The following RYR3 variants were observed in gnomAD, a reference collection of about 807,000 sequenced individuals.
RYR3 encodes brain ryanodine receptor-calcium release channel.
In RYR3, 207 loss-of-function variants were observed where a neutral mutation model predicts 584.3. That is an observed-to-expected ratio of 0.35 (90% CI 0.32 to 0.40). The LOEUF is 0.40. Among genes scored for constraint, RYR3 ranks in the 10% least tolerant of loss-of-function variants. The pLI is 1.00. For synonymous variants in RYR3, 2,416 were observed against 2,248.5 expected, an observed-to-expected ratio of 1.07 and a Z score of -2.11; for missense variants, 5,616 against 6,089.2, an observed-to-expected ratio of 0.92 and a Z score of 2.59.
chr15:33,611,057 A>G (rs993906631), intron 18 of RYR3, among the ~76,000 whole-genome samples: 1 of 152,196 alleles, frequency 6.6e-6, no homozygotes, highest in African/African-American at 2.4e-5. Context: ...GGGATTATAA[A>G]TATTCTATAG....
At chr15:33,676,182 G>T (rs766293386) in intron 38 of RYR3, among the ~76,000 whole-genome samples, 14 of 151,294 alleles carry the variant, frequency 9.3e-5, no homozygotes, top group Non-Finnish European at 1.6e-4. Flanking sequence ...AAAGGGTGTG[G>T]CTTAAATTTC....
chr15:33,460,356 G>C (rs1176550609), intron 1 of RYR3, among the ~76,000 whole-genome samples: 2 of 152,252 alleles, frequency 1.3e-5, no homozygotes, highest in Non-Finnish European at 2.9e-5. Flanking sequence ...GGAGTGGTGA[G>C]TGATGGACAT....
At chr15:33,561,726 A>G (rs1298953105) in intron 10 of RYR3, among the ~76,000 whole-genome samples, 1 of 151,834 alleles carries the variant, frequency 6.6e-6, no homozygotes, top group Non-Finnish European at 1.5e-5. Flanking sequence ...ACACAAAACA[A>G]CAACAACAAC....
At chr15:33,673,682 T>A (rs2063985191) in intron 38 of RYR3, among the ~76,000 whole-genome samples, 1 of 152,238 alleles carries the variant, frequency 6.6e-6, no homozygotes, top group African/African-American at 2.4e-5. Context: ...TGACCATCTA[T>A]TTCTCCTAAA....
intron 64 of RYR3, among the ~76,000 whole-genome samples, chr15:33,779,850 TAGAAAA>T (rs1460633690): frequency 7.3e-6 from 1 of 137,044 alleles, no homozygotes; most frequent in Non-Finnish European, 1.6e-5. Flanking sequence ...AAAAAAAAAA[TAGAAAA>T]AGAAATTAAC....
intron 69 of RYR3, among the ~76,000 whole-genome samples, chr15:33,804,468 C>A (rs1473124807): frequency 1.3e-5 from 2 of 152,222 alleles, no homozygotes; most frequent in Non-Finnish European, 2.9e-5. Context: ...CTTAACTCCT[C>A]TGGGTCCCAT....
chr15:33,826,371 G>A (rs2077380957), intron 83 of RYR3, 102 bp downstream of exon 83: 4 of 1,218,888 alleles, frequency 3.3e-6, no homozygotes, highest in Non-Finnish European at 4.9e-6. Flanking sequence ...GTAGTTGCAT[G>A]TTGAGTTGAA....
intron 70 of RYR3, 128 bp from the exon 71 acceptor site, chr15:33,810,351 C>G (rs927111854): frequency 9.9e-6 from 8 of 810,470 alleles, no homozygotes; most frequent in Admixed American, 8.0e-5. Context: ...TTTCACTGTC[C>G]TTTGAAGTGT....
At chr15:33,675,882 A>C (rs2064144598) in intron 38 of RYR3, among the ~76,000 whole-genome samples, 1 of 152,032 alleles carries the variant, frequency 6.6e-6, no homozygotes, top group African/African-American at 2.4e-5. Flanking sequence ...CAGCAGGGAG[A>C]CATTGGGAAC....
intron 27 of RYR3, among the ~76,000 whole-genome samples, chr15:33,640,612 T>G (rs1054734982): frequency 6.6e-6 from 1 of 152,160 alleles, no homozygotes. Context: ...CCTGGAATTA[T>G]AAGATTACCC....
Position 33,475,623 on chromosome 15 carries a change from G to A in RYR3, c.171+2085G>A, listed in dbSNP as rs144309433. ...CTGGGTCCATGGCCCCAGGGGTTGG[G>A]GACCCTGCTTTAGGGCACAGGCTGT... On this transcript the variant is annotated intron_variant, in intron 2 of 103. Transcript: ENST00000634891. 2.0e-3 allele frequency among the ~76,000 whole-genome samples: 310 copies of A among 152,324 alleles called. 1 individual carries two copies. The highest frequency in any genetic ancestry group is 7.4e-3 in the African/African-American group (306 of 41,578).
intron 16 of RYR3, among the ~76,000 whole-genome samples, chr15:33,599,115 G>C (rs1046656414): frequency 6.6e-6 from 1 of 152,114 alleles, no homozygotes; most frequent in African/African-American, 2.4e-5. Context: ...AGTTTTGGGA[G>C]ATTAGGGATT....
chr15:33,429,016 G>A (rs1307070348), intron 1 of RYR3, among the ~76,000 whole-genome samples: 2 of 152,158 alleles, frequency 1.3e-5, no homozygotes, highest in Non-Finnish European at 2.9e-5. Flanking sequence ...GTTGCCCAGT[G>A]GCTGAGGCAT....
At chr15:33,843,362 G>C in intron 91 of RYR3, 126 bp from the exon 92 acceptor site, 1 of 644,296 alleles carries the variant, frequency 1.6e-6, no homozygotes, top group Non-Finnish European at 2.8e-6. Flanking sequence ...CCCTAGAAGA[G>C]TGGTCATCAA....
rs73384642 is a variant in RYR3, at chr15:33,512,197, G to C, written c.279+8459G>C. On this transcript the variant is annotated intron_variant, in intron 3 of 103. Coordinates refer to ENST00000634891, the MANE Select transcript of RYR3 (RefSeq NM_001036.6). ...AGCTTTGCCTTCATCTCAGCTTCTC[G>C]ATGCTTCAGACCTCTTCCAGTGCTA... 7.4e-3 allele frequency among the ~76,000 whole-genome samples: 1,124 copies of C among 152,222 alleles called. 10 individuals are homozygous for C. The highest frequency in any genetic ancestry group is 0.025 in the African/African-American group (1,057 of 41,544).
At chr15:33,687,108 GA>G (rs2065065992) in intron 38 of RYR3, among the ~76,000 whole-genome samples, 1 of 152,180 alleles carries the variant, frequency 6.6e-6, no homozygotes, top group African/African-American at 2.4e-5. Context: ...ATTCAATTAG[GA>G]AAAGAGGAAG....
intron 18 of RYR3, among the ~76,000 whole-genome samples, chr15:33,608,831 C>G (rs1274462395): frequency 1.3e-5 from 2 of 152,202 alleles, no homozygotes; most frequent in Non-Finnish European, 2.9e-5. Flanking sequence ...GTGTCTTTCA[C>G]CACGAGGGCA....
chr15:33,697,133 C>A (rs1411433520), intron 39 of RYR3, among the ~76,000 whole-genome samples: 2 of 152,174 alleles, frequency 1.3e-5, no homozygotes, highest in East Asian at 3.9e-4. Flanking sequence ...CTACAGACAA[C>A]CTCCTACCTA....
intron 2 of RYR3, among the ~76,000 whole-genome samples, chr15:33,480,916 A>G (rs79969228): frequency 1.3e-4 from 20 of 152,318 alleles, no homozygotes; most frequent in East Asian, 1.2e-3. Flanking sequence ...TGTTTTATCA[A>G]TTATTGAGAG....
Sources: gnomAD v4.1 joint callset for allele counts (sites outside exome capture counted in the v4.1 genomes callset) on GRCh38, gnomAD v4.1.1 for gene constraint, MANE v1.5 for transcripts, NCBI Gene and HGNC (gene_info 2026-07-23, HGNC 2026-07-21) for gene names.